Variants in MALL observed in about 807,000 individuals in gnomAD.
The protein encoded by MALL is mal, T cell differentiation protein like, also known as MAL-like protein.
A neutral mutation model predicts 10.3 loss-of-function variants in MALL; 2 were observed. The observed-to-expected ratio is 0.19, with a 90% CI of 0.08 to 0.61. The LOEUF (loss-of-function observed/expected upper bound fraction) is 0.61, where lower values mean the gene tolerates loss of function less well. MALL is among the 20% of genes least tolerant of loss of function. MALL has a pLI of 0.88. For missense variants in MALL, 39 were observed against 115.2 expected (o/e 0.34, Z 3.03); for synonymous variants, 27 against 51.8 (o/e 0.52, Z 2.05).
At chr2:110,099,045 C>A (rs1042012365) in intron 1 of MALL, among the ~76,000 whole-genome samples, 11 of 152,054 alleles carry the variant, frequency 7.2e-5, no homozygotes, top group African/African-American at 2.7e-4. Context: ...GTGCTTCAGA[C>A]CCCATCAGGC....
intron 1 of MALL, 150 bp downstream of exon 1, chr2:110,115,538 C>T (rs551582724): frequency 2.3e-6 from 1 of 433,318 alleles, no homozygotes; most frequent in Non-Finnish European, 4.0e-6. Flanking sequence ...GCCGGTCTCC[C>T]CCCCCCTCTC....
intron 1 of MALL, among the ~76,000 whole-genome samples, chr2:110,111,090 T>C (rs1413886922): frequency 1.3e-5 from 2 of 152,176 alleles, no homozygotes; most frequent in Non-Finnish European, 2.9e-5. Context: ...AAGCCATCTA[T>C]GACAAACCCA....
At position 110,099,336 on chromosome 2, in the gene MALL, G is replaced by A. The variant is rs143731680; in HGVS notation, c.106-7566C>T. 4.0e-3 allele frequency among the ~76,000 whole-genome samples: 611 copies of A among 152,272 alleles called. 6 individuals carry two copies. Among genetic ancestry groups the A allele is most frequent in the African/African-American group, 0.014 (585 of 41,548 alleles). Reference sequence around the variant, plus strand: ...CTGCTCTGAGCATGTCAATGACTGTGAAAGTGCCAAGTGTATTAATTTGGG... The same window carrying A: ...CTGCTCTGAGCATGTCAATGACTGTAAAAGTGCCAAGTGTATTAATTTGGG... On this transcript the variant is annotated intron_variant, in intron 1 of 3. Coordinates refer to ENST00000272462, the MANE Select transcript of MALL (RefSeq NM_005434.5).
At chr2:110,109,410 T>C (rs775121554) in intron 1 of MALL, among the ~76,000 whole-genome samples, 12 of 152,130 alleles carry the variant, frequency 7.9e-5, no homozygotes, top group Non-Finnish European at 1.8e-4. Flanking sequence ...TATTCTTATA[T>C]CAGATAAAAC....
chr2:110,108,341 A>T (rs933105899), intron 1 of MALL, among the ~76,000 whole-genome samples: 5 of 152,126 alleles, frequency 3.3e-5, no homozygotes, highest in African/African-American at 1.2e-4. Context: ...TTAAAGAAAA[A>T]ACAGTCAAAA....
chr2:110,101,546 G>A (rs767841611), intron 1 of MALL, among the ~76,000 whole-genome samples: 6 of 152,100 alleles, frequency 3.9e-5, no homozygotes, highest in Admixed American at 6.5e-5. Context: ...AGCAAGTCAG[G>A]CGTCCTTGGT....
intron 1 of MALL, among the ~76,000 whole-genome samples, chr2:110,114,318 G>C (rs1678864307): frequency 6.6e-6 from 1 of 152,038 alleles, no homozygotes; most frequent in South Asian, 2.1e-4. Flanking sequence ...AAATGCTCAT[G>C]AGTCTCTTCC....
At chr2:110,103,842 G>T (rs565559763) in intron 1 of MALL, among the ~76,000 whole-genome samples, 2 of 152,182 alleles carry the variant, frequency 1.3e-5, no homozygotes, top group Non-Finnish European at 2.9e-5. Flanking sequence ...GACCAGGGCT[G>T]GAAGTTCAGA....
At chr2:110,109,971 T>C (rs1486205054) in intron 1 of MALL, among the ~76,000 whole-genome samples, 3 of 152,124 alleles carry the variant, frequency 2.0e-5, no homozygotes, top group Admixed American at 6.5e-5. Flanking sequence ...TCTGAAAGCA[T>C]TGAGTCAAAA....
intron 1 of MALL, among the ~76,000 whole-genome samples, chr2:110,110,611 G>A (rs1678783398): frequency 6.6e-6 from 1 of 151,980 alleles, no homozygotes; most frequent in Non-Finnish European, 1.5e-5. Flanking sequence ...AAGAACGGAT[G>A]GATTCGCACC....
rs1358893356 is a variant in MALL, at chr2:110,103,619, C to T, written c.106-11849G>A. Among the ~76,000 whole-genome samples, 5 of 152,304 alleles carry T rather than the reference C, an allele frequency of 3.3e-5. No individual in the cohort carries two copies. In the East Asian group the frequency reaches 5.8e-4, roughly 18 times the overall value. On this transcript the variant is annotated intron_variant, in intron 1 of 3. Coordinates refer to ENST00000272462, the MANE Select transcript of MALL (RefSeq NM_005434.5). The stretch of plus-strand genomic sequence containing the variant: ...CTGGCAAGGCTCCTTATCTAGGGCT[C>T]GCCCTGGGTCCAGTGGGTCAGACTG...
chr2:110,101,341 C>A (rs1292015218), intron 1 of MALL, among the ~76,000 whole-genome samples: 2 of 152,180 alleles, frequency 1.3e-5, no homozygotes, highest in Admixed American at 1.3e-4. Context: ...CACTTCCAAA[C>A]CCTGAGTCAC....
rs144640718 is a variant in MALL at position 110,108,706 on chromosome 2, T to A, written c.105+6982A>T. Among the ~76,000 whole-genome samples, 430 of 152,250 alleles carry A rather than the reference T, an allele frequency of 2.8e-3. 2 individuals carry two copies. The highest frequency in any genetic ancestry group is 0.01 in the African/African-American group (422 of 41,556). On this transcript the variant is annotated intron_variant, in intron 1 of 3. Coordinates refer to ENST00000272462, the MANE Select transcript of MALL (RefSeq NM_005434.5). ...GCACAAAGAACACCTGGGAAATTCA[T>A]CACAAAAAGATCTTTGCCTAGGCAC...
chr2:110,098,926 C>T (rs1345163150), intron 1 of MALL, among the ~76,000 whole-genome samples: 7 of 151,630 alleles, frequency 4.6e-5, no homozygotes, highest in African/African-American at 9.7e-5. Context: ...CACTTGAGCC[C>T]GGGAGGCAGA....
At chr2:110,106,430 T>A (rs529278747) in intron 1 of MALL, among the ~76,000 whole-genome samples, 40 of 152,242 alleles carry the variant, frequency 2.6e-4, no homozygotes, top group African/African-American at 9.6e-4. Context: ...ACTTGCTACA[T>A]GAAGGAGAGA....
chr2:110,115,682 A>G lies in MALL; in HGVS notation c.105+6T>C. Reference sequence around the variant, plus strand: ...AGGTGGCCCGGGTCGGGGGTGCCGCACTCACCAGCTCGGGCAGGAAGAAGG... The same window carrying G: ...AGGTGGCCCGGGTCGGGGGTGCCGCGCTCACCAGCTCGGGCAGGAAGAAGG... On this transcript the variant is annotated splice_donor_region_variant and intron_variant, in intron 1 of 3. Coordinates refer to ENST00000272462, the MANE Select transcript of MALL (RefSeq NM_005434.5). The G allele has an allele frequency of 7.9e-7, 1 of 1,272,156 alleles. No individual in the cohort carries two copies. Among genetic ancestry groups the G allele is most frequent in the Non-Finnish European group, 1.0e-6 (1 of 1,002,144 alleles). 78.8% of individuals were successfully genotyped at this position (1,272,156 alleles called of 1,614,324 possible).
At chr2:110,102,657 A>C (rs1678596410) in intron 1 of MALL, among the ~76,000 whole-genome samples, 1 of 152,172 alleles carries the variant, frequency 6.6e-6, no homozygotes, top group South Asian at 2.1e-4. Context: ...TCCTGCCAGG[A>C]GCCTGAACCA....
At chr2:110,108,290 T>A (rs945877439) in intron 1 of MALL, among the ~76,000 whole-genome samples, 1 of 152,038 alleles carries the variant, frequency 6.6e-6, no homozygotes, top group Admixed American at 6.6e-5. Flanking sequence ...CAAAAAATGA[T>A]ACAAGAAGTG....
At chr2:110,094,969 A>G (rs1425680738) in intron 1 of MALL, among the ~76,000 whole-genome samples, 1 of 122,680 alleles carries the variant, frequency 8.2e-6, no homozygotes, top group Non-Finnish European at 1.7e-5. Context: ...CTCAAACGTC[A>G]TGGGAACCTT....
Sources: gnomAD v4.1 joint callset for allele counts (sites outside exome capture counted in the v4.1 genomes callset) on GRCh38, gnomAD v4.1.1 for gene constraint, MANE v1.5 for transcripts, NCBI Gene and HGNC (gene_info 2026-07-23, HGNC 2026-07-21) for gene names.